HTR4: variants seen among roughly 807,000 people sequenced by gnomAD.
HTR4 encodes 5-hydroxytryptamine receptor 4, also known as 5-hydroxytryptamine (serotonin) receptor 4, G protein-coupled.
In HTR4, 16 loss-of-function variants were observed where a neutral mutation model predicts 36.8. That is an observed-to-expected ratio of 0.43 (90% CI 0.29 to 0.66). The LOEUF is 0.66. HTR4 is among the 30% of genes least tolerant of loss of function. HTR4 has a pLI of 0.13. For synonymous variants in HTR4, 189 were observed against 185.1 expected, an observed-to-expected ratio of 1.02 and a Z score of -0.17; for missense variants, 438 against 490.9, an observed-to-expected ratio of 0.89 and a Z score of 1.02.
In HTR4 at chr5:148,501,065, AGTTT is replaced by A. The variant is rs559005229; in HGVS notation, c.1076+8387_1076+8390del. On this transcript the variant is annotated intron_variant, in intron 6 of 6. Coordinates refer to ENST00000377888, the MANE Select transcript of HTR4 (RefSeq NM_000870.7). ...TGTTCAAGGGCATTACAAACAGTACAGTTTGCAATGACAAATAATTGGAAATACT... is the reference window on the plus strand; with the variant it reads ...TGTTCAAGGGCATTACAAACAGTACAGCAATGACAAATAATTGGAAATACT... Among the ~76,000 whole-genome samples, 498 of 152,336 alleles carry A rather than the reference AGTTT, an allele frequency of 3.3e-3. 1 individual carries two copies. Among genetic ancestry groups the A allele is most frequent in the African/African-American group, 0.011 (439 of 41,594 alleles).
chr5:148,549,380 G>A lies in HTR4; in HGVS notation c.153-512C>T, dbSNP rs149459047. ...CATTTATAACACTGGTCAGAATTGC[G>A]CTTTTGCACTTTATTTGCATCATCA... is the stretch of plus-strand genomic sequence containing the variant. On this transcript the variant is annotated intron_variant, in intron 3 of 6. Transcript: ENST00000377888. 6.6e-5 allele frequency among the ~76,000 whole-genome samples: 10 copies of A among 152,222 alleles called. No individual in the cohort carries two copies. The East Asian group carries it at 9.6e-4, about 15-fold the overall frequency.
At chr5:148,557,361 C>T (rs974192579) in intron 2 of HTR4, among the ~76,000 whole-genome samples, 1 of 139,512 alleles carries the variant, frequency 7.2e-6, no homozygotes. Context: ...CAAATAAACG[C>T]CATATTTTAG....
intron 4 of HTR4, among the ~76,000 whole-genome samples, chr5:148,541,357 T>A (rs1759108379): frequency 6.6e-6 from 1 of 152,234 alleles, no homozygotes; most frequent in Non-Finnish European, 1.5e-5. Context: ...ACAGCTATTA[T>A]GTTCCAGAAA....
intron 5 of HTR4, among the ~76,000 whole-genome samples, chr5:148,516,374 C>A (rs1433653402): frequency 7.9e-6 from 1 of 126,922 alleles, no homozygotes; most frequent in Non-Finnish European, 1.6e-5. Context: ...GGCTGGAGTG[C>A]AATGGCACAA....
intron 2 of HTR4, among the ~76,000 whole-genome samples, chr5:148,553,309 T>TA (rs937838271): frequency 2.0e-5 from 3 of 152,176 alleles, no homozygotes; most frequent in Non-Finnish European, 4.4e-5. Flanking sequence ...GGTTCAATGA[T>TA]AAGGTTATCA....
At chr5:148,583,340 T>A (rs911668616) in intron 2 of HTR4, among the ~76,000 whole-genome samples, 5 of 151,776 alleles carry the variant, frequency 3.3e-5, no homozygotes, top group Non-Finnish European at 7.4e-5. Context: ...TGCTAGATGA[T>A]GAGTTAGTGG....
chr5:148,627,303 T>C (rs756425428), intron 2 of HTR4, among the ~76,000 whole-genome samples: 1 of 152,320 alleles, frequency 6.6e-6, no homozygotes, highest in South Asian at 2.1e-4. Flanking sequence ...CTCTGTATTT[T>C]CTATTACCAA....
At chr5:148,577,345 G>T (rs1760965038) in intron 2 of HTR4, among the ~76,000 whole-genome samples, 2 of 152,048 alleles carry the variant, frequency 1.3e-5, no homozygotes, top group African/African-American at 4.8e-5. Flanking sequence ...GCAGAGAAAG[G>T]GGAACACTTG....
intron 6 of HTR4, among the ~76,000 whole-genome samples, chr5:148,495,687 T>A (rs943624918): frequency 6.6e-6 from 1 of 152,222 alleles, no homozygotes; most frequent in Admixed American, 6.5e-5. Context: ...GACTATGTAG[T>A]CATACCATGT....
At chr5:148,533,636 G>A (rs17108381) in intron 4 of HTR4, among the ~76,000 whole-genome samples, 2,177 of 152,302 alleles carry the variant, frequency 0.014, 56 homozygotes, top group African/African-American at 0.05. Flanking sequence ...AGAATTGGAG[G>A]AGATAGTAGC....
chr5:148,496,893 G>A (rs141339748), intron 6 of HTR4, among the ~76,000 whole-genome samples: 2,386 of 152,294 alleles, frequency 0.016, 34 homozygotes, highest in Middle Eastern at 0.048. Context: ...GCTGCATGCT[G>A]CCTTCTGCAT....
At chr5:148,597,644 C>T (rs1761831904) in intron 2 of HTR4, among the ~76,000 whole-genome samples, 1 of 152,160 alleles carries the variant, frequency 6.6e-6, no homozygotes, top group African/African-American at 2.4e-5. Context: ...TAGAATGCTC[C>T]CCAACCACTG....
At chr5:148,624,630 C>T (rs905097694) in intron 2 of HTR4, among the ~76,000 whole-genome samples, 2 of 152,170 alleles carry the variant, frequency 1.3e-5, no homozygotes, top group Non-Finnish European at 2.9e-5. Context: ...CCTTTTCAAC[C>T]TCAAATAGAG....
In HTR4 at chr5:148,569,346, G is replaced by A. The variant is rs183524360; in HGVS notation, c.27-19084C>T. 8.9e-4 allele frequency among the ~76,000 whole-genome samples: 135 copies of A among 152,098 alleles called. 1 individual carries two copies. The South Asian group carries it at 0.013, about 15-fold the overall frequency. ...ACAGGGAGAGGAGCAACACAGACTGGAGCCTGTTTGGGGGACGGGGAGAAG... is the reference window on the plus strand; with the variant it reads ...ACAGGGAGAGGAGCAACACAGACTGAAGCCTGTTTGGGGGACGGGGAGAAG... On this transcript the variant is annotated intron_variant, in intron 2 of 6. Transcript: ENST00000377888.
At chr5:148,524,570 C>T (rs1043252798) in intron 4 of HTR4, among the ~76,000 whole-genome samples, 1 of 152,206 alleles carries the variant, frequency 6.6e-6, no homozygotes, top group African/African-American at 2.4e-5. Context: ...GCATGTTACT[C>T]TGGCCTTGGA....
chr5:148,635,414 A>G (rs1753498407), intron 2 of HTR4, among the ~76,000 whole-genome samples: 1 of 152,116 alleles, frequency 6.6e-6, no homozygotes, highest in Non-Finnish European at 1.5e-5. Flanking sequence ...TCTGGTTAGA[A>G]AACTGACAGA....
At chr5:148,508,663 C>A (rs1429715924) in intron 6 of HTR4, among the ~76,000 whole-genome samples, 1 of 152,142 alleles carries the variant, frequency 6.6e-6, no homozygotes, top group African/African-American at 2.4e-5. Flanking sequence ...TTCCTTTCTA[C>A]CCCAATTCTA....
At chr5:148,504,373 C>A (rs187843765) in intron 6 of HTR4, among the ~76,000 whole-genome samples, 1 of 152,316 alleles carries the variant, frequency 6.6e-6, no homozygotes, top group African/African-American at 2.4e-5. Flanking sequence ...GGAAACAGAA[C>A]AACCTGCTCC....
chr5:148,510,702 C>T (rs1402150423), intron 5 of HTR4, among the ~76,000 whole-genome samples: 1 of 152,218 alleles, frequency 6.6e-6, no homozygotes, highest in Non-Finnish European at 1.5e-5. Flanking sequence ...CTGTGCTAAA[C>T]TTAGCTCTTT....
Sources: gnomAD v4.1 joint callset for allele counts (sites outside exome capture counted in the v4.1 genomes callset) on GRCh38, gnomAD v4.1.1 for gene constraint, MANE v1.5 for transcripts, NCBI Gene and HGNC (gene_info 2026-07-23, HGNC 2026-07-21) for gene names.